NUAK1: variants seen among roughly 807,000 people sequenced by gnomAD.
The protein encoded by NUAK1 is NUAK family SNF1-like kinase 1.
In NUAK1, 26 loss-of-function variants were observed where a neutral mutation model predicts 56.9. That is an observed-to-expected ratio of 0.46 (90% CI 0.33 to 0.63). The LOEUF is 0.63. NUAK1 is among the 30% of genes least tolerant of loss of function. The probability of loss-of-function intolerance (pLI) is 0.02; values close to 1 mark genes in which losing one functional copy is unlikely to be tolerated. For missense variants in NUAK1, 727 were observed against 876.1 expected (o/e 0.83, Z 2.15); for synonymous variants, 337 against 336.0 (o/e 1.00, Z -0.03).
intron 4 of NUAK1, among the ~76,000 whole-genome samples, chr12:106,075,322 G>GAC (rs2032451516): frequency 1.4e-5 from 1 of 73,544 alleles, no homozygotes; most frequent in South Asian, 4.5e-4. Context: ...CACACACAGA[G>GAC]AGAGAGAGAG....
At chr12:106,076,095 A>T (rs1214697604) in intron 4 of NUAK1, among the ~76,000 whole-genome samples, 1 of 152,250 alleles carries the variant, frequency 6.6e-6, no homozygotes. Flanking sequence ...AAAGGCAAAA[A>T]TCCATGAAAA....
At chr12:106,087,445 T>G (rs1316939278) in intron 2 of NUAK1, among the ~76,000 whole-genome samples, 1 of 152,226 alleles carries the variant, frequency 6.6e-6, no homozygotes, top group Non-Finnish European at 1.5e-5. Flanking sequence ...ATTTATTTAT[T>G]CTGTCTCCCC....
At chr12:106,108,445 G>C (rs1224686419) in intron 1 of NUAK1, among the ~76,000 whole-genome samples, 3 of 152,162 alleles carry the variant, frequency 2.0e-5, no homozygotes, top group African/African-American at 7.2e-5. Context: ...GCCAGACTCA[G>C]AGCTACCCCA....
At chr12:106,136,856 C>T (rs2033134187) in intron 1 of NUAK1, among the ~76,000 whole-genome samples, 1 of 152,198 alleles carries the variant, frequency 6.6e-6, no homozygotes, top group African/African-American at 2.4e-5. Context: ...ATGAAGTGCA[C>T]GTTTCCCAGC....
At chr12:106,115,803 A>G (rs2032911632) in intron 1 of NUAK1, among the ~76,000 whole-genome samples, 1 of 152,016 alleles carries the variant, frequency 6.6e-6, no homozygotes, top group Non-Finnish European at 1.5e-5. Flanking sequence ...CCAGTACTCA[A>G]CTCTCAGTTC....
Position 106,066,111 on chromosome 12 carries a change from G to A in NUAK1, c.*691C>T, listed in dbSNP as rs913533927. The A allele has an allele frequency of 6.6e-6, 1 of 152,308 alleles. No individual in the cohort carries two copies. Among genetic ancestry groups the A allele is most frequent in the Non-Finnish European group, 1.5e-5 (1 of 68,128 alleles). The allele number at this position is 152,308 out of a possible 1,614,324, so 9.4% of individuals were successfully genotyped here. ...TTAACAAATGCCTCACCAGTGGCAT[G>A]AAAGAGTTAACATAGATCCCACAGG... On this transcript the variant is annotated 3_prime_UTR_variant, in exon 7 of 7. Transcript: ENST00000261402.
rs2033155988 is a variant in NUAK1 at position 106,138,774 on chromosome 12, CG to C, written c.-122del. On this transcript the variant is annotated 5_prime_UTR_variant, in exon 1 of 7. Transcript: ENST00000261402. This position sits in a 1 kb window ranked among gnomAD's most constrained non-coding sequence, Gnocchi z 5.0. ...GGTCGCCCCCGCAGCATCAGGGAGG[CG>C]GCCCGATACCGCTCGGACTGCGGCT... The C allele has an allele frequency of 7.6e-7, 1 of 1,314,088 alleles. No homozygotes were observed. Among genetic ancestry groups the C allele is most frequent in the East Asian group, 2.9e-5 (1 of 34,904 alleles). 81.4% of individuals were successfully genotyped at this position (1,314,088 alleles called of 1,614,324 possible). A position where few individuals can be genotyped will look rare whatever the true frequency, so the allele number is the denominator to read the frequency against.
chr12:106,079,722 T>C (rs1253044507), intron 4 of NUAK1, among the ~76,000 whole-genome samples: 1 of 152,232 alleles, frequency 6.6e-6, no homozygotes, highest in Admixed American at 6.5e-5. Flanking sequence ...TGCCAGCCAA[T>C]TACATTATGT....
At chr12:106,128,403 T>C (rs1468004325) in intron 1 of NUAK1, among the ~76,000 whole-genome samples, 1 of 152,044 alleles carries the variant, frequency 6.6e-6, no homozygotes, top group Non-Finnish European at 1.5e-5. Flanking sequence ...AGTGCTGGGA[T>C]TTACAGGAAT....
In NUAK1 at chr12:106,070,762, C is replaced by T. The variant is rs1037050967; in HGVS notation, c.832+12G>A. 6.2e-7 allele frequency: 1 copy of T among 1,614,188 alleles called. No homozygotes were observed. Among genetic ancestry groups the T allele is most frequent in the South Asian group, 1.1e-5 (1 of 91,082 alleles). The stretch of plus-strand genomic sequence containing the variant: ...CCCTCCACCTCTGACCCTCCCTCCA[C>T]AGGGCACGCACCTGAGGGCTGTGTT... On this transcript the variant is annotated intron_variant, in intron 6 of 6. Coordinates refer to ENST00000261402, the MANE Select transcript of NUAK1 (RefSeq NM_014840.3).
chr12:106,138,299 AG>A lies in NUAK1; in HGVS notation c.240+114del. 1 of 1,376,784 alleles carries A rather than the reference AG, an allele frequency of 7.3e-7. No individual in the cohort carries two copies. The highest frequency in any genetic ancestry group is 9.6e-7 in the Non-Finnish European group (1 of 1,042,890). The allele number at this position is 1,376,784 out of a possible 1,614,324, so 85.3% of individuals were successfully genotyped here. On this transcript the variant is annotated intron_variant, in intron 1 of 6. Transcript: ENST00000261402. This position sits in a 1 kb window ranked among gnomAD's most constrained non-coding sequence, Gnocchi z 5.0. ...GAGTCTGTCTCGGGGCTTCCCAATG[AG>A]CCCCCTCTCTGTCAAGAGAGCCCCA...
chr12:106,096,260 T>A (rs888259688), intron 2 of NUAK1, among the ~76,000 whole-genome samples: 3 of 152,144 alleles, frequency 2.0e-5, no homozygotes, highest in African/African-American at 7.2e-5. Flanking sequence ...CAGGACAGCC[T>A]GGGAGTAGCA....
At chr12:106,127,960 A>AT (rs1421038620) in intron 1 of NUAK1, among the ~76,000 whole-genome samples, 1 of 152,042 alleles carries the variant, frequency 6.6e-6, no homozygotes, top group Non-Finnish European at 1.5e-5. Flanking sequence ...TTTATGGACC[A>AT]TTCACTGTGG....
intron 2 of NUAK1, among the ~76,000 whole-genome samples, chr12:106,099,741 C>T (rs558458204): frequency 1.2e-4 from 19 of 152,230 alleles, no homozygotes; most frequent in Non-Finnish European, 2.5e-4. Context: ...TGCACACCTC[C>T]TAGCCCAAGG....
chr12:106,128,926 T>A (rs2033050912), intron 1 of NUAK1, among the ~76,000 whole-genome samples: 1 of 152,250 alleles, frequency 6.6e-6, no homozygotes, highest in East Asian at 1.9e-4. Flanking sequence ...CCAGCCGGTT[T>A]GCAATACTTA....
intron 1 of NUAK1, among the ~76,000 whole-genome samples, chr12:106,119,008 C>T (rs1009386890): frequency 6.6e-6 from 1 of 152,174 alleles, no homozygotes; most frequent in Non-Finnish European, 1.5e-5. Context: ...TTTCTGAGTC[C>T]ATCTCAGTAT....
At chr12:106,131,333 GC>G (rs1262891065) in intron 1 of NUAK1, among the ~76,000 whole-genome samples, 1 of 152,008 alleles carries the variant, frequency 6.6e-6, no homozygotes, top group African/African-American at 2.4e-5. Flanking sequence ...ACACCCATTA[GC>G]AGCTACTCCC....
intron 2 of NUAK1, among the ~76,000 whole-genome samples, chr12:106,087,257 C>T (rs1010052155): frequency 1.3e-5 from 2 of 152,176 alleles, no homozygotes; most frequent in Admixed American, 6.5e-5. Context: ...CCACTGGATA[C>T]GGACCAGGTA....
chr12:106,072,698 C>A, intron 5 of NUAK1, 26 bp downstream of exon 5: 2 of 1,612,704 alleles, frequency 1.2e-6, no homozygotes, highest in South Asian at 1.1e-5. Context: ...CTCCCCTGCC[C>A]CATACACATT....
Sources: gnomAD v4.1 joint callset for allele counts (sites outside exome capture counted in the v4.1 genomes callset) on GRCh38, gnomAD v4.1.1 for gene constraint, Gnocchi (gnomAD v3.1) non-coding constraint, MANE v1.5 for transcripts, NCBI Gene and HGNC (gene_info 2026-07-23, HGNC 2026-07-21) for gene names.